The following PRKAG2 variants were observed in gnomAD, a reference collection of about 807,000 sequenced individuals.
PRKAG2 encodes 5'-AMP-activated protein kinase subunit gamma-2.
In PRKAG2, 26 loss-of-function variants were observed where a neutral mutation model predicts 69.6. The ratio of observed to expected loss-of-function variants is 0.37; its 90% CI spans 0.27 to 0.52. PRKAG2 has a LOEUF of 0.52. PRKAG2 is among the 20% of genes least tolerant of loss of function. The pLI is 0.90. For synonymous variants in PRKAG2, 293 were observed against 285.0 expected, an observed-to-expected ratio of 1.03 and a Z score of -0.28; for missense variants, 557 against 740.0, an observed-to-expected ratio of 0.75 and a Z score of 2.87.
In PRKAG2 at chr7:151,780,146, C is replaced by T. The variant is rs1182573931; in HGVS notation, c.466+1006G>A. 1.3e-5 allele frequency among the ~76,000 whole-genome samples: 2 copies of T among 152,228 alleles called. No homozygotes were observed. The highest frequency in any genetic ancestry group is 2.9e-5 in the Non-Finnish European group (2 of 68,036). On this transcript the variant is annotated intron_variant, in intron 3 of 15. Transcript: ENST00000287878. This position sits in a 1 kb window ranked among gnomAD's most constrained non-coding sequence, Gnocchi z 4.2. ...CACTCACACAGAATACGGCCACCAT[C>T]CCCTCCACCTCCAAGGTGGTGGATG... is the stretch of plus-strand genomic sequence containing the variant.
intron 3 of PRKAG2, among the ~76,000 whole-genome samples, chr7:151,728,118 G>A (rs1051294387): frequency 9.9e-5 from 15 of 152,222 alleles, no homozygotes; most frequent in African/African-American, 2.6e-4. Flanking sequence ...ACCTCCTGGG[G>A]ACTTGCACCC....
chr7:151,583,227 G>T lies in PRKAG2; in HGVS notation c.865-6775C>A, dbSNP rs896478906. 6.6e-6 allele frequency among the ~76,000 whole-genome samples: 1 copy of T among 152,058 alleles called. No homozygotes were observed. The highest frequency in any genetic ancestry group is 1.5e-5 in the Non-Finnish European group (1 of 68,004). ...TGTAGAGATGGGGTTTTGCCATGTTGCCCGGGCTGGTCTCAAACTCTAGGC... is the reference window on the plus strand; with the variant it reads ...TGTAGAGATGGGGTTTTGCCATGTTTCCCGGGCTGGTCTCAAACTCTAGGC... On this transcript the variant is annotated intron_variant, in intron 6 of 15. Transcript: ENST00000287878. This position sits in a 1 kb window ranked among gnomAD's most constrained non-coding sequence, Gnocchi z 4.1.
chr7:151,740,098 A>G (rs2073767273), intron 3 of PRKAG2, among the ~76,000 whole-genome samples: 1 of 152,230 alleles, frequency 6.6e-6, no homozygotes, highest in Non-Finnish European at 1.5e-5. Flanking sequence ...GGCACCGGAC[A>G]GTCACCCTGA....
chr7:151,812,928 C>G (rs2078494492), intron 1 of PRKAG2, among the ~76,000 whole-genome samples: 3 of 51,318 alleles, frequency 5.8e-5, no homozygotes, highest in South Asian at 1.5e-3. Flanking sequence ...CCTACTACTG[C>G]TGGGCTGAAA....
intron 1 of PRKAG2, 50 bp from the exon 2 acceptor site, chr7:151,786,591 G>T: frequency 6.8e-7 from 1 of 1,473,720 alleles, no homozygotes. Flanking sequence ...CTCGGGCCCA[G>T]GGGCTGCATG....
At chr7:151,760,066 G>C (rs550905302) in intron 3 of PRKAG2, among the ~76,000 whole-genome samples, 7 of 152,190 alleles carry the variant, frequency 4.6e-5, no homozygotes, top group Non-Finnish European at 7.3e-5. Flanking sequence ...ATTTATCAAA[G>C]ATTAGCCTTT....
chr7:151,576,296 C>T, intron 7 of PRKAG2, 75 bp downstream of exon 7: 2 of 1,279,970 alleles, frequency 1.6e-6, no homozygotes, highest in African/African-American at 2.9e-5. Context: ...TCCAAACCGG[C>T]ATCTATTAAA....
At position 151,807,950 on chromosome 7, in the gene PRKAG2, G is replaced by A. The variant is rs993109135; in HGVS notation, c.115-21409C>T. Among the ~76,000 whole-genome samples, 1 of 152,184 alleles carries A rather than the reference G, an allele frequency of 6.6e-6. No individual in the cohort carries two copies. Among genetic ancestry groups the A allele is most frequent in the Non-Finnish European group, 1.5e-5 (1 of 68,020 alleles). ...CAAGGGAAGGCTCTGGAGGAAGGAA[G>A]AGGCTAAAGGCATAGTTTCGTAACC... On this transcript the variant is annotated intron_variant, in intron 1 of 15. Transcript: ENST00000287878. This position sits in a 1 kb window ranked among gnomAD's most constrained non-coding sequence, Gnocchi z 4.4.
At chr7:151,617,359 G>A (rs1287175669) in intron 5 of PRKAG2, among the ~76,000 whole-genome samples, 3 of 151,682 alleles carry the variant, frequency 2.0e-5, no homozygotes, top group African/African-American at 7.3e-5. Context: ...CACTAGACCC[G>A]GGATTCACCT....
rs1806110805 is a variant in PRKAG2 at position 151,565,799 on chromosome 7, A to G, written c.1320T>C (p.His440=). The change falls in exon 12 of 16, where the codon CAT becomes CAC. Residue 440 remains histidine (H), a synonymous_variant. Coordinates refer to ENST00000287878, the MANE Select transcript of PRKAG2 (RefSeq NM_016203.4). ...IGTYHNIAFI[H]PDTPIIKALN... ...AGGCTTTGATGATGGGAGTGTCTGG[A>G]TGTATGAAGGCAATGTTGTGGTACG... 6.2e-7 allele frequency: 1 copy of G among 1,612,316 alleles called. No homozygotes were observed. Among genetic ancestry groups the G allele is most frequent in the Non-Finnish European group, 8.5e-7 (1 of 1,178,346 alleles).
At chr7:151,858,305 C>T (rs1465634408) in intron 1 of PRKAG2, among the ~76,000 whole-genome samples, 1 of 152,248 alleles carries the variant, frequency 6.6e-6, no homozygotes, top group Non-Finnish European at 1.5e-5. Flanking sequence ...TCGGCCACAG[C>T]TGTCCCCAGC....
chr7:151,874,615 T>C, intron 1 of PRKAG2, among the ~76,000 whole-genome samples: 1 of 152,194 alleles, frequency 6.6e-6, no homozygotes, highest in East Asian at 1.9e-4. Flanking sequence ...ATGGGTGTGA[T>C]GGCTCACGCC....
intron 3 of PRKAG2, among the ~76,000 whole-genome samples, chr7:151,703,873 C>T (rs1312344988): frequency 6.8e-6 from 1 of 146,484 alleles, no homozygotes; most frequent in African/African-American, 2.6e-5. Flanking sequence ...CACACACACA[C>T]ACACACACAC....
chr7:151,828,118 G>A lies in PRKAG2; in HGVS notation c.115-41577C>T, dbSNP rs186340423. Among the ~76,000 whole-genome samples the A allele has an allele frequency of 9.6e-4, 146 of 152,356 alleles. No individual in the cohort carries two copies. The South Asian group carries it at 0.018, about 18-fold the overall frequency. ...TTCACCCAGCAAGCACACAGCAAACGCCTGCTACCCAGGGGAGCCCCGACC... is the reference window on the plus strand; with the variant it reads ...TTCACCCAGCAAGCACACAGCAAACACCTGCTACCCAGGGGAGCCCCGACC... On this transcript the variant is annotated intron_variant, in intron 1 of 15. Coordinates refer to ENST00000287878, the MANE Select transcript of PRKAG2 (RefSeq NM_016203.4). The surrounding 1 kb of genome is among the most constrained non-coding windows in gnomAD (Gnocchi z 4.6).
At position 151,781,424 on chromosome 7, in the gene PRKAG2, C is replaced by A. The variant is rs1277869522; in HGVS notation, c.194G>T (p.Ser65Ile). The part of the protein sequence containing the change: ...SGKHSSRKVD[S>I]PFGPGSPSKG... ...GGAGGGGCTGCCCGGGCCGAAGGGG[C>A]TGTCCACCTGCAGAAAAACAGACGA... is the stretch of plus-strand genomic sequence containing the variant. Residue 65 changes from serine to isoleucine, a missense_variant, in exon 3 of 16, where the codon AGC (serine) becomes ATC (isoleucine). Around this residue, in one of 2 missense-constraint regions of PRKAG2, gnomAD observed 352 missense variants for 356.7 expected, o/e 0.99. Coordinates refer to ENST00000287878, the MANE Select transcript of PRKAG2 (RefSeq NM_016203.4). This position sits in a 1 kb window ranked among gnomAD's most constrained non-coding sequence, Gnocchi z 6.1. The A allele has an allele frequency of 1.2e-6, 2 of 1,605,798 alleles. No homozygotes were observed. Among genetic ancestry groups the A allele is most frequent in the Middle Eastern group, 1.8e-4 (1 of 5,592 alleles).
At chr7:151,703,959 G>A (rs1322542332) in intron 3 of PRKAG2, among the ~76,000 whole-genome samples, 3 of 150,616 alleles carry the variant, frequency 2.0e-5, no homozygotes, top group Non-Finnish European at 2.9e-5. Context: ...CTACTCAGGC[G>A]GCTGAGGCAG....
Position 151,566,596 on chromosome 7 carries a change from T to A in PRKAG2, c.1234-711A>T, listed in dbSNP as rs775222922. ...ACCTTTTATAAAGGGTATAGTTGAT[T>A]CCATCCTCCTGGTGTACCTTATAAT... On this transcript the variant is annotated intron_variant, in intron 11 of 15. Transcript: ENST00000287878. 15 of 451,650 alleles carry A rather than the reference T, an allele frequency of 3.3e-5. No individual in the cohort carries two copies. Among genetic ancestry groups the A allele is most frequent in the African/African-American group, 1.0e-4 (5 of 49,790 alleles). 28.0% of individuals were successfully genotyped at this position (451,650 alleles called of 1,614,324 possible). A position where few individuals can be genotyped will look rare whatever the true frequency, so the allele number is the denominator to read the frequency against.
chr7:151,836,166 C>T lies in PRKAG2; in HGVS notation c.114+40341G>A, dbSNP rs573137442. On this transcript the variant is annotated intron_variant, in intron 1 of 15. Transcript: ENST00000287878. This position sits in a 1 kb window ranked among gnomAD's most constrained non-coding sequence, Gnocchi z 4.1. The stretch of plus-strand genomic sequence containing the variant: ...TCTTCGGCCGTGTCTTTGGAGCATT[C>T]CTTCCCCTATAGCATGATTTCTCTT... Among the ~76,000 whole-genome samples, 3 of 152,336 alleles carry T rather than the reference C, an allele frequency of 2.0e-5. No homozygotes were observed. Among genetic ancestry groups the T allele is most frequent in the Admixed American group, 6.5e-5 (1 of 15,300 alleles).
chr7:151,601,488 T>C (rs1411811827), intron 5 of PRKAG2, among the ~76,000 whole-genome samples: 1 of 152,064 alleles, frequency 6.6e-6, no homozygotes, highest in South Asian at 2.1e-4. Context: ...CCTGAGACCA[T>C]GGAAAGTTAG....
Sources: allele counts gnomAD v4.1 joint callset (sites outside exome capture counted in the v4.1 genomes callset), GRCh38; gene constraint gnomAD v4.1.1; regional missense constraint gnomAD v4.1.1; non-coding constraint Gnocchi (gnomAD v3.1); transcripts MANE v1.5; gene names NCBI Gene and HGNC (gene_info 2026-07-23, HGNC 2026-07-21).